Variants in CNTN5 observed in about 807,000 individuals in gnomAD.
CNTN5 encodes contactin-5.
CNTN5 carries 77 observed loss-of-function variants against 129.1 expected under a neutral mutation model. The observed-to-expected ratio is 0.60, with a 90% CI of 0.50 to 0.72. The LOEUF is 0.72. Ranked by LOEUF, CNTN5 falls within the 30% of genes least tolerant of loss-of-function variation. The pLI is 0.00. For synonymous variants in CNTN5, 509 were observed against 465.6 expected (o/e 1.09, Z -1.20); for missense variants, 1,478 against 1,328.8 (o/e 1.11, Z -1.75).
chr11:99,229,557 G>A lies in CNTN5; in HGVS notation c.-209-95789G>A, dbSNP rs762397939. Reference sequence around the variant, plus strand: ...AAAAAAAAAAAGGACACAGCAGGAGGTCAATAAAAGGGAAAGAAAGAGTAA... The same window carrying A: ...AAAAAAAAAAAGGACACAGCAGGAGATCAATAAAAGGGAAAGAAAGAGTAA... On this transcript the variant is annotated intron_variant, in intron 1 of 24. Transcript: ENST00000524871. Among the ~76,000 whole-genome samples the A allele has an allele frequency of 1.9e-4, 28 of 149,134 alleles. 1 individual carries two copies. Among genetic ancestry groups the A allele is most frequent in the Non-Finnish European group, 3.6e-4 (24 of 67,290 alleles).
chr11:99,052,105 A>G (rs1288814611), intron 1 of CNTN5, among the ~76,000 whole-genome samples: 1 of 151,902 alleles, frequency 6.6e-6, no homozygotes, highest in African/African-American at 2.4e-5. Flanking sequence ...ATGGCAGAAC[A>G]AAGTGTATGA....
chr11:99,812,413 C>A (rs910398495), intron 3 of CNTN5, among the ~76,000 whole-genome samples: 1 of 151,976 alleles, frequency 6.6e-6, no homozygotes, highest in African/African-American at 2.4e-5. Context: ...CAGTTATACC[C>A]ACAAGAGTGG....
In CNTN5 at chr11:100,009,720, C is replaced by T. The variant is rs533225900; in HGVS notation, c.980+7584C>T. ...GAACTGCTGTAAGAATATAATAATG[C>T]CCATTTGTCTTCTAATGGTTTAGAT... On this transcript the variant is annotated intron_variant, in intron 9 of 24. Transcript: ENST00000524871. Among the ~76,000 whole-genome samples, 300 of 152,204 alleles carry T rather than the reference C, an allele frequency of 2.0e-3. 2 individuals are homozygous for T. The highest frequency in any genetic ancestry group is 3.0e-3 in the Non-Finnish European group (207 of 67,996).
intron 1 of CNTN5, among the ~76,000 whole-genome samples, chr11:99,082,701 G>T (rs1296740692): frequency 6.6e-6 from 1 of 152,118 alleles, no homozygotes; most frequent in Non-Finnish European, 1.5e-5. Context: ...AGTGAAGGAA[G>T]AAATATATGT....
intron 1 of CNTN5, among the ~76,000 whole-genome samples, chr11:99,057,439 TAAC>T (rs1229759014): frequency 3.3e-5 from 5 of 152,080 alleles, no homozygotes; most frequent in Non-Finnish European, 7.4e-5. Flanking sequence ...AGTGTGTTTT[TAAC>T]AACACTAGGA....
At chr11:99,906,558 T>C (rs555903718) in intron 6 of CNTN5, among the ~76,000 whole-genome samples, 54 of 152,330 alleles carry the variant, frequency 3.5e-4, no homozygotes, top group Non-Finnish European at 6.9e-4. Context: ...CAATGTTTTA[T>C]TGAGGATTTC....
intron 2 of CNTN5, among the ~76,000 whole-genome samples, chr11:99,415,747 C>T (rs988845111): frequency 6.6e-6 from 1 of 152,062 alleles, no homozygotes; most frequent in Non-Finnish European, 1.5e-5. Context: ...CCTAGCACCA[C>T]CAAAATGTGA....
At chr11:99,640,470 A>C (rs913598723) in intron 3 of CNTN5, among the ~76,000 whole-genome samples, 4 of 152,180 alleles carry the variant, frequency 2.6e-5, no homozygotes, top group African/African-American at 9.7e-5. Context: ...TGAGAATAGC[A>C]AGGGAAAGAC....
intron 3 of CNTN5, chr11:99,558,358 A>G: frequency 6.0e-6 from 2 of 334,154 alleles, no homozygotes; most frequent in South Asian, 2.4e-5. Flanking sequence ...TGGATTTCAA[A>G]AGAAAGTTTT....
rs142007248 is a variant in CNTN5, at chr11:99,862,390, T to C, written c.577+17128T>C. Among the ~76,000 whole-genome samples, 641 of 152,126 alleles carry C rather than the reference T, an allele frequency of 4.2e-3. 10 individuals carry two copies. Among genetic ancestry groups the C allele is most frequent in the African/African-American group, 0.015 (605 of 41,532 alleles). Reference sequence around the variant, plus strand: ...TGTTTTTTTTCCCTGGATTCTGACATGGAGACAAATTACCATCTTCCTATA... The same window carrying C: ...TGTTTTTTTTCCCTGGATTCTGACACGGAGACAAATTACCATCTTCCTATA... On this transcript the variant is annotated intron_variant, in intron 6 of 24. Coordinates refer to ENST00000524871, the MANE Select transcript of CNTN5 (RefSeq NM_014361.4).
chr11:99,868,028 A>G (rs202168555), intron 6 of CNTN5, among the ~76,000 whole-genome samples: 1 of 152,148 alleles, frequency 6.6e-6, no homozygotes, highest in Non-Finnish European at 1.5e-5. Flanking sequence ...CAGCCTGACC[A>G]ACATGGAGAA....
At chr11:99,821,734 A>AC (rs748035570) in intron 4 of CNTN5, among the ~76,000 whole-genome samples, 3 of 151,956 alleles carry the variant, frequency 2.0e-5, no homozygotes, top group Admixed American at 6.6e-5. Context: ...TTAAAATAAG[A>AC]CCCCCCTTCA....
At chr11:99,053,611 G>A (rs1054483370) in intron 1 of CNTN5, among the ~76,000 whole-genome samples, 1 of 151,894 alleles carries the variant, frequency 6.6e-6, no homozygotes, top group Admixed American at 6.6e-5. Context: ...TTTGCCACAA[G>A]GATATTTCCC....
At chr11:100,195,976 T>C (rs919108155) in intron 15 of CNTN5, among the ~76,000 whole-genome samples, 1 of 151,932 alleles carries the variant, frequency 6.6e-6, no homozygotes, top group African/African-American at 2.4e-5. Context: ...GGATACCTTC[T>C]TTCTGTGAGA....
intron 1 of CNTN5, among the ~76,000 whole-genome samples, chr11:99,291,758 C>T (rs1012601472): frequency 2.6e-5 from 4 of 151,926 alleles, no homozygotes; most frequent in African/African-American, 7.2e-5. Context: ...ATAAATGAGC[C>T]TGTAGCTAAG....
chr11:99,320,554 G>A (rs1456134006), intron 1 of CNTN5, among the ~76,000 whole-genome samples: 1 of 152,028 alleles, frequency 6.6e-6, no homozygotes, highest in African/African-American at 2.4e-5. Context: ...AATCAAACAC[G>A]GAGGAATTCA....
intron 13 of CNTN5, among the ~76,000 whole-genome samples, chr11:100,156,762 T>C (rs1248152941): frequency 6.6e-6 from 1 of 152,102 alleles, no homozygotes; most frequent in East Asian, 1.9e-4. Context: ...TTATTTCTTC[T>C]AGATTTTCTA....
chr11:99,653,774 A>G (rs576681251), intron 3 of CNTN5, among the ~76,000 whole-genome samples: 6 of 152,110 alleles, frequency 3.9e-5, no homozygotes, highest in Non-Finnish European at 8.8e-5. Flanking sequence ...ATTTCTCATC[A>G]GATCTTTGCT....
chr11:100,235,466 G>A (rs1472398046), intron 16 of CNTN5, among the ~76,000 whole-genome samples: 1 of 152,150 alleles, frequency 6.6e-6, no homozygotes, highest in Non-Finnish European at 1.5e-5. Context: ...TGCTGAGGGA[G>A]GAGGAGGCGG....
Sources: gnomAD v4.1 joint callset for allele counts (sites outside exome capture counted in the v4.1 genomes callset) on GRCh38, gnomAD v4.1.1 for gene constraint, MANE v1.5 for transcripts, NCBI Gene and HGNC (gene_info 2026-07-23, HGNC 2026-07-21) for gene names.